ZNF627: variants seen among roughly 807,000 people sequenced by gnomAD.
ZNF627 encodes the protein zinc finger protein 627.
In ZNF627, 12 loss-of-function variants were observed where a neutral mutation model predicts 10.6. The observed-to-expected ratio is 1.13, with a 90% CI of 0.73 to 1.84. The LOEUF is 1.84. ZNF627 is among the 40% of genes most tolerant of loss of function. The pLI is 0.00. For missense variants in ZNF627, 504 were observed against 568.4 expected (o/e 0.89, Z 1.15); for synonymous variants, 176 against 187.1 (o/e 0.94, Z 0.48).
chr19:11,617,920 T>A lies in ZNF627; in HGVS notation c.*31T>A, dbSNP rs770660313. On this transcript the variant is annotated 3_prime_UTR_variant, in exon 4 of 4. Transcript: ENST00000361113. ...AAAGGAGTCACATAGAGAAACCCCA[T>A]GAAAGTAAGAAATTTGGGAAAGCCT... 6.7e-7 allele frequency: 1 copy of A among 1,490,188 alleles called. No individual in the cohort carries two copies. Among genetic ancestry groups the A allele is most frequent in the Non-Finnish European group, 8.9e-7 (1 of 1,126,956 alleles). 92.3% of individuals were successfully genotyped at this position (1,490,188 alleles called of 1,614,324 possible).
At position 11,617,858 on chromosome 19, in the gene ZNF627, C is replaced by G. The variant is rs1973906016; in HGVS notation, c.1355C>G (p.Pro452Arg). 6.4e-7 allele frequency: 1 copy of G among 1,566,288 alleles called. No individual in the cohort carries two copies. Among genetic ancestry groups the G allele is most frequent in the Non-Finnish European group, 8.6e-7 (1 of 1,162,796 alleles). Reference sequence around the variant, plus strand: ...GAGAAACCCTATGAGAACCCTAACCCTAACGCTTCAGTTGTCCCAGTTCTT... The same window carrying G: ...GAGAAACCCTATGAGAACCCTAACCGTAACGCTTCAGTTGTCCCAGTTCTT... ...TGEKPYENPN[P>R]NASVVPVLS The change falls in exon 4 of 4, where the codon CCT (proline) becomes CGT (arginine). Residue 452 changes from proline to arginine, a missense_variant. Coordinates refer to ENST00000361113, the MANE Select transcript of ZNF627 (RefSeq NM_145295.4).
At chr19:11,598,869 C>T (rs950293138) in intron 1 of ZNF627, among the ~76,000 whole-genome samples, 2 of 152,142 alleles carry the variant, frequency 1.3e-5, no homozygotes, top group African/African-American at 4.8e-5. Context: ...CTCTCCTAGG[C>T]ACAGGGATGT....
intron 1 of ZNF627, among the ~76,000 whole-genome samples, chr19:11,609,941 A>G (rs1973745207): frequency 6.6e-6 from 1 of 152,102 alleles, no homozygotes; most frequent in South Asian, 2.1e-4. Flanking sequence ...AGTGAGCGCA[A>G]TAACTGGAGA....
At position 11,611,182 on chromosome 19, in the gene ZNF627, G is replaced by T. The variant is rs548153668; in HGVS notation, c.4-3345G>T. Among the ~76,000 whole-genome samples, 152 of 152,270 alleles carry T rather than the reference G, an allele frequency of 1.0e-3. 1 individual carries two copies. In the South Asian group the frequency reaches 0.012, roughly 12 times the overall value. On this transcript the variant is annotated intron_variant, in intron 1 of 3. Coordinates refer to ENST00000361113, the MANE Select transcript of ZNF627 (RefSeq NM_145295.4). Reference sequence around the variant, plus strand: ...ATTCTTGACCTTCTTGCCAACACTTGTTCTTTGGAGTGGTTGATTTTTATT... The same window carrying T: ...ATTCTTGACCTTCTTGCCAACACTTTTTCTTTGGAGTGGTTGATTTTTATT...
Position 11,617,573 on chromosome 19 carries a change from A to T in ZNF627, c.1070A>T (p.His357Leu). 1 of 1,613,926 alleles carries T rather than the reference A, an allele frequency of 6.2e-7. No homozygotes were observed. The highest frequency in any genetic ancestry group is 8.5e-7 in the Non-Finnish European group (1 of 1,179,982). ...PSSFRIHERT[H>L]TGEKPYDCKQ... is the part of the protein sequence containing the mutation. ...TCATTTCGAATCCATGAAAGGACCCACACTGGAGAGAAACCCTATGATTGT... is the reference window on the plus strand; with the variant it reads ...TCATTTCGAATCCATGAAAGGACCCTCACTGGAGAGAAACCCTATGATTGT... Residue 357 changes from histidine (H) to leucine (L), a missense_variant, in exon 4 of 4, where the codon CAC becomes CTC. By Grantham distance (99) the His-to-Leu change is moderately conservative. Coordinates refer to ENST00000361113, the MANE Select transcript of ZNF627 (RefSeq NM_145295.4).
intron 1 of ZNF627, among the ~76,000 whole-genome samples, chr19:11,606,118 G>C (rs1488321661): frequency 6.6e-6 from 1 of 152,054 alleles, no homozygotes; most frequent in Non-Finnish European, 1.5e-5. Flanking sequence ...GAGGCAAGCG[G>C]ATCATGAGGT....
chr19:11,614,829 A>T lies in ZNF627; in HGVS notation c.133A>T (p.Lys45Ter). The change falls in exon 3 of 4, where the codon AAA becomes TAA. Residue 45 changes from lysine (K) to a stop codon, truncating the protein, a stop_gained and splice_region_variant. Transcript: ENST00000361113. LOFTEE classifies it high-confidence loss of function. Reference sequence around the variant, plus strand: ...ACTTTTCTGGGTCTAAATTTTAGGAAAACAATGGGAAGACCAGAACATTGA... The same window carrying T: ...ACTTTTCTGGGTCTAAATTTTAGGATAACAATGGGAAGACCAGAACATTGA... ...ETFRNLASVG[K>*]QWEDQNIEDP... The T allele has an allele frequency of 6.2e-7, 1 of 1,603,342 alleles. No homozygotes were observed. The highest frequency in any genetic ancestry group is 1.1e-5 in the South Asian group (1 of 88,206).
chr19:11,612,422 C>CTTTTT (rs759276399), intron 1 of ZNF627, among the ~76,000 whole-genome samples: 1 of 98,768 alleles, frequency 1.0e-5, no homozygotes, highest in Non-Finnish European at 2.0e-5. Flanking sequence ...GCCCGGCCTG[C>CTTTTT]TTTTTTTTTT....
In ZNF627 at chr19:11,609,926, C is replaced by T. The variant is rs143666841; in HGVS notation, c.4-4601C>T. ...AGTTAAGGCGGTTGCTTAAAGTCTT[C>T]GTCCAGTGAGCGCAATAACTGGAGA... On this transcript the variant is annotated intron_variant, in intron 1 of 3. Coordinates refer to ENST00000361113, the MANE Select transcript of ZNF627 (RefSeq NM_145295.4). 6.2e-4 allele frequency among the ~76,000 whole-genome samples: 95 copies of T among 152,150 alleles called. 1 individual carries two copies. The highest frequency in any genetic ancestry group is 2.0e-3 in the African/African-American group (81 of 41,512).
chr19:11,607,928 G>A (rs904228806), intron 1 of ZNF627, among the ~76,000 whole-genome samples: 3 of 152,134 alleles, frequency 2.0e-5, no homozygotes, highest in South Asian at 4.2e-4. Flanking sequence ...AGAGCACCCC[G>A]CTACCCAGTA....
rs1290974478 is a variant in ZNF627 at position 11,617,754 on chromosome 19, A to T, written c.1251A>T (p.Lys417Asn). The T allele has an allele frequency of 6.2e-7, 1 of 1,613,412 alleles. No homozygotes were observed. The highest frequency in any genetic ancestry group is 8.5e-7 in the Non-Finnish European group (1 of 1,179,844). ...RIHERTHTGE[K>N]PYECKQCGKA... ...ATGAAAGAACTCACACTGGAGAGAAACCCTATGAATGTAAGCAATGTGGGA... is the reference window on the plus strand; with the variant it reads ...ATGAAAGAACTCACACTGGAGAGAATCCCTATGAATGTAAGCAATGTGGGA... Residue 417 changes from lysine (K) to asparagine (N), a missense_variant, in exon 4 of 4, where the codon AAA becomes AAT. Coordinates refer to ENST00000361113, the MANE Select transcript of ZNF627 (RefSeq NM_145295.4).
chr19:11,603,466 T>G (rs1973622900), intron 1 of ZNF627, among the ~76,000 whole-genome samples: 2 of 151,594 alleles, frequency 1.3e-5, no homozygotes, highest in Non-Finnish European at 2.9e-5. Flanking sequence ...TTTTTTTTTT[T>G]TGTGGAGGCG....
At position 11,617,396 on chromosome 19, in the gene ZNF627, A is replaced by C; in HGVS notation, c.893A>C (p.Glu298Ala). ...FRCASSVRSH[E>A]RTHTGEKLFE... ...TGCGCCAGTTCTGTTCGAAGTCACG[A>C]GAGGACTCACACCGGAGAGAAACTT... The change falls in exon 4 of 4, where the codon GAG becomes GCG. Residue 298 changes from glutamate to alanine, a missense_variant. Glu to Ala is a moderately radical substitution (Grantham distance 107). Coordinates refer to ENST00000361113, the MANE Select transcript of ZNF627 (RefSeq NM_145295.4). 1.9e-6 allele frequency: 3 copies of C among 1,614,050 alleles called. No individual in the cohort carries two copies. The highest frequency in any genetic ancestry group is 2.5e-6 in the Non-Finnish European group (3 of 1,180,020).
chr19:11,597,933 G>A (rs1973520799), intron 1 of ZNF627, among the ~76,000 whole-genome samples: 5 of 152,214 alleles, frequency 3.3e-5, no homozygotes, highest in Admixed American at 2.6e-4. Context: ...GTCTGTGGCC[G>A]CCCCCCACAG....
chr19:11,606,612 G>A (rs1973679415), intron 1 of ZNF627, among the ~76,000 whole-genome samples: 1 of 152,214 alleles, frequency 6.6e-6, no homozygotes, highest in Non-Finnish European at 1.5e-5. Context: ...CAGTGCCACA[G>A]TGGGGACTCT....
chr19:11,614,936 ATTG>A, intron 3 of ZNF627, 49 bp downstream of exon 3: 1 of 1,109,798 alleles, frequency 9.0e-7, no homozygotes, highest in East Asian at 2.7e-5. Context: ...AGCATTTCGT[ATTG>A]TTAGGAATTT....
intron 1 of ZNF627, among the ~76,000 whole-genome samples, chr19:11,608,602 TG>T (rs1290841423): frequency 6.6e-6 from 1 of 152,240 alleles, no homozygotes; most frequent in African/African-American, 2.4e-5. Context: ...TTCGTGGTGT[TG>T]AGCATATTTG....
intron 1 of ZNF627, among the ~76,000 whole-genome samples, chr19:11,611,118 G>T (rs544185219): frequency 6.6e-6 from 1 of 152,284 alleles, no homozygotes; most frequent in South Asian, 2.1e-4. Flanking sequence ...CTCCCAAAGT[G>T]CTGGGATTAC....
At position 11,607,322 on chromosome 19, in the gene ZNF627, G is replaced by A. The variant is rs1210814521; in HGVS notation, c.4-7205G>A. Among the ~76,000 whole-genome samples the A allele has an allele frequency of 5.3e-5, 8 of 152,092 alleles. No homozygotes were observed. The East Asian group carries it at 1.5e-3, about 29-fold the overall frequency. On this transcript the variant is annotated intron_variant, in intron 1 of 3. Transcript: ENST00000361113. Reference sequence around the variant, plus strand: ...CAGCTAATTCTATATATTTAGTAGAGAAGGGGTTTCTCTATGTTGCTCAGG... The same window carrying A: ...CAGCTAATTCTATATATTTAGTAGAAAAGGGGTTTCTCTATGTTGCTCAGG...
Sources: gnomAD v4.1 joint callset for allele counts (sites outside exome capture counted in the v4.1 genomes callset) on GRCh38, gnomAD v4.1.1 for gene constraint, MANE v1.5 for transcripts, NCBI Gene and HGNC (gene_info 2026-07-23, HGNC 2026-07-21) for gene names.